Variants in TRIO observed in about 807,000 individuals in gnomAD.
The protein encoded by TRIO is triple functional domain protein.
Under a neutral mutation model 351.9 loss-of-function variants are expected in TRIO, and 58 were observed. The observed-to-expected ratio is 0.16, with a 90% CI of 0.13 to 0.21. The LOEUF (loss-of-function observed/expected upper bound fraction) is 0.21. Ranked by LOEUF, TRIO falls within the 10% of genes least tolerant of loss-of-function variation. TRIO has a pLI of 1.00. For missense variants in TRIO, 3,201 were observed against 4,027.8 expected (o/e 0.79, Z 5.56); for synonymous variants, 1,758 against 1,595.7 (o/e 1.10, Z -2.42).
At chr5:14,427,279 C>T (rs1334415620) in intron 34 of TRIO, among the ~76,000 whole-genome samples, 1 of 152,200 alleles carries the variant, frequency 6.6e-6, no homozygotes, top group Non-Finnish European at 1.5e-5. Context: ...CACCATCCTT[C>T]CCCCTGTGCA....
At chr5:14,399,409 C>G (rs919512983) in intron 30 of TRIO, 5 of 350,518 alleles carry the variant, frequency 1.4e-5, no homozygotes, top group East Asian at 4.4e-5. Flanking sequence ...TGACTAAGTT[C>G]TTATTATAAT....
intron 1 of TRIO, among the ~76,000 whole-genome samples, chr5:14,147,184 C>A (rs940164134): frequency 6.6e-6 from 1 of 152,098 alleles, no homozygotes; most frequent in African/African-American, 2.4e-5. Context: ...CAAAAATGAG[C>A]TAGCCTTGTT....
chr5:14,479,180 T>C, intron 41 of TRIO, 81 bp from the exon 42 acceptor site: 1 of 1,170,326 alleles, frequency 8.5e-7, no homozygotes, highest in Non-Finnish European at 1.3e-6. Flanking sequence ...TTTATGAATG[T>C]GCTGAAATGT....
At chr5:14,462,655 C>A in intron 35 of TRIO, 100 bp from the exon 36 acceptor site, 1 of 1,477,536 alleles carries the variant, frequency 6.8e-7, no homozygotes, top group Non-Finnish European at 9.2e-7. Context: ...TGATTTCTGC[C>A]ATCCCAGTCT....
intron 16 of TRIO, among the ~76,000 whole-genome samples, chr5:14,367,955 G>T (rs1027908061): frequency 2.0e-5 from 3 of 152,114 alleles, no homozygotes; most frequent in African/African-American, 7.2e-5. Flanking sequence ...TGTTTTATGG[G>T]ATCATTTGTA....
intron 33 of TRIO, among the ~76,000 whole-genome samples, chr5:14,412,376 A>G (rs1385619335): frequency 6.6e-6 from 1 of 152,232 alleles, no homozygotes; most frequent in East Asian, 1.9e-4. Context: ...TTTGACTTAC[A>G]TAAATTGCAG....
At chr5:14,427,380 T>C (rs1267230063) in intron 34 of TRIO, among the ~76,000 whole-genome samples, 1 of 152,114 alleles carries the variant, frequency 6.6e-6, no homozygotes, top group Non-Finnish European at 1.5e-5. Context: ...TTGCAGATGA[T>C]GGAAGAGAAG....
intron 23 of TRIO, 140 bp from the exon 24 acceptor site, chr5:14,388,473 A>G (rs1361122549): frequency 7.4e-6 from 6 of 805,676 alleles, no homozygotes; most frequent in Non-Finnish European, 1.2e-5. Context: ...ATACTGTTCT[A>G]TTTGTGATTC....
chr5:14,162,263 A>G (rs561605948), intron 1 of TRIO, among the ~76,000 whole-genome samples: 1 of 152,300 alleles, frequency 6.6e-6, no homozygotes, highest in South Asian at 2.1e-4. Context: ...CTGTGAACAT[A>G]CTGAAGGCAC....
Position 14,316,568 on chromosome 5 carries a change from G to C in TRIO, c.1556G>C (p.Gly519Ala), listed in dbSNP as rs1739398561. 1 of 1,614,184 alleles carries C rather than the reference G, an allele frequency of 6.2e-7. No individual in the cohort carries two copies. Among genetic ancestry groups the C allele is most frequent in the Non-Finnish European group, 8.5e-7 (1 of 1,180,034 alleles). Residue 519 changes from glycine (G) to alanine (A), a missense_variant, in exon 9 of 57, where the codon GGC becomes GCC. Gly to Ala is a moderately conservative substitution (Grantham distance 60, BLOSUM62 0). Around this residue, in one of 19 missense-constraint regions of TRIO, gnomAD observed 349 missense variants for 449.3 expected, o/e 0.78. Transcript: ENST00000344204. ...LDKLQRPLTP[G>A]SSDSLTASAN... Reference sequence around the variant, plus strand: ...AAGCTCCAGCGGCCCTTGACTCCCGGCAGCTCCGATTCCCTGACAGCCTCT... The same window carrying C: ...AAGCTCCAGCGGCCCTTGACTCCCGCCAGCTCCGATTCCCTGACAGCCTCT...
At chr5:14,455,163 G>A (rs1179019360) in intron 34 of TRIO, among the ~76,000 whole-genome samples, 1 of 152,182 alleles carries the variant, frequency 6.6e-6, no homozygotes. Context: ...CAGTGTGGAA[G>A]GGGACCCAAA....
intron 11 of TRIO, among the ~76,000 whole-genome samples, chr5:14,338,065 C>G (rs893465460): frequency 6.6e-6 from 1 of 152,162 alleles, no homozygotes; most frequent in Non-Finnish European, 1.5e-5. Flanking sequence ...GGACATTGTT[C>G]TGTGGCAGTT....
chr5:14,267,991 G>A (rs576556089), intron 1 of TRIO, among the ~76,000 whole-genome samples: 4 of 152,312 alleles, frequency 2.6e-5, no homozygotes, highest in African/African-American at 7.2e-5. Flanking sequence ...TGGTCTATGC[G>A]TGGGCATGTA....
intron 52 of TRIO, 34 bp from the exon 53 acceptor site, chr5:14,498,485 T>A (rs767796227): frequency 6.2e-7 from 1 of 1,603,562 alleles, no homozygotes; most frequent in East Asian, 2.2e-5. Context: ...GCTCAGCTTT[T>A]CTGATGCGCA....
intron 2 of TRIO, among the ~76,000 whole-genome samples, chr5:14,276,307 A>G (rs1393458997): frequency 6.6e-6 from 1 of 152,188 alleles, no homozygotes; most frequent in African/African-American, 2.4e-5. Flanking sequence ...AACTGGCGGG[A>G]CTTTTCATGC....
intron 49 of TRIO, 135 bp from the exon 50 acceptor site, chr5:14,496,744 G>A: frequency 8.8e-7 from 1 of 1,142,762 alleles, no homozygotes; most frequent in Non-Finnish European, 1.2e-6. Context: ...TCTAACAGAG[G>A]TCACAGTTCG....
chr5:14,452,529 A>G (rs545211743), intron 34 of TRIO, among the ~76,000 whole-genome samples: 1 of 152,228 alleles, frequency 6.6e-6, no homozygotes, highest in Admixed American at 6.5e-5. Context: ...TTGAGTGTCC[A>G]CTCATCTGTA....
intron 36 of TRIO, among the ~76,000 whole-genome samples, chr5:14,464,436 C>T (rs1331134122): frequency 1.3e-5 from 2 of 152,152 alleles, no homozygotes; most frequent in African/African-American, 4.8e-5. Context: ...GTGATTTTCC[C>T]ACACAGTATA....
intron 1 of TRIO, among the ~76,000 whole-genome samples, chr5:14,198,466 A>G (rs1051973431): frequency 2.0e-5 from 3 of 152,194 alleles, no homozygotes; most frequent in Non-Finnish European, 4.4e-5. Context: ...TTCATTTAAC[A>G]TGTGTGTTAA....
Sources: allele counts gnomAD v4.1 joint callset (sites outside exome capture counted in the v4.1 genomes callset), GRCh38; gene constraint gnomAD v4.1.1; regional missense constraint gnomAD v4.1.1; transcripts MANE v1.5; gene names NCBI Gene and HGNC (gene_info 2026-07-23, HGNC 2026-07-21).